PDE4D: variants seen among roughly 807,000 people sequenced by gnomAD.
PDE4D encodes phosphodiesterase 4D, also known as 3',5'-cyclic-AMP phosphodiesterase 4D.
PDE4D carries 24 observed loss-of-function variants against 87.4 expected under a neutral mutation model. The ratio of observed to expected loss-of-function variants is 0.27; its 90% CI spans 0.20 to 0.39. The LOEUF is 0.39. Ranked by LOEUF, PDE4D falls within the 10% of genes least tolerant of loss-of-function variation. The probability of loss-of-function intolerance (pLI) is 1.00; values close to 1 mark genes in which losing one functional copy is unlikely to be tolerated. For missense variants in PDE4D, 714 were observed against 1,041.0 expected (o/e 0.69, Z 4.32); for synonymous variants, 384 against 383.2 (o/e 1.00, Z -0.02).
rs75581413 is a variant in PDE4D, at chr5:59,530,996, G to A, written c.456-315028C>T. Among the ~76,000 whole-genome samples the A allele has an allele frequency of 5.1e-3, 769 of 152,190 alleles. 6 individuals carry two copies. The highest frequency in any genetic ancestry group is 0.017 in the African/African-American group (712 of 41,508). ...GTAAGAATTCATCTTCTTTGAATAC[G>A]GTGTATTGAATTTCTTAATGAACTC... On this transcript the variant is annotated intron_variant, in intron 1 of 14. Transcript: ENST00000340635.
intron 1 of PDE4D, among the ~76,000 whole-genome samples, chr5:59,349,184 T>C (rs1780103141): frequency 6.6e-6 from 1 of 152,218 alleles, no homozygotes. Flanking sequence ...CAACTCTGTG[T>C]GCTTATATAA....
chr5:59,380,517 T>A (rs1208365446), intron 1 of PDE4D, among the ~76,000 whole-genome samples: 2 of 152,064 alleles, frequency 1.3e-5, no homozygotes, highest in East Asian at 3.9e-4. Context: ...GTCAGTGAGG[T>A]CACAAGAGCT....
intron 1 of PDE4D, among the ~76,000 whole-genome samples, chr5:59,591,157 G>A (rs1331083313): frequency 6.6e-6 from 1 of 151,864 alleles, no homozygotes; most frequent in African/African-American, 2.4e-5. Context: ...AAAAAGTCTG[G>A]CTCTTTAAAA....
At position 59,290,434 on chromosome 5, in the gene PDE4D, T is replaced by C. The variant is rs374476857; in HGVS notation, c.456-74466A>G. The stretch of plus-strand genomic sequence containing the variant: ...TATACAAAAATCAAGTCAAAATGGA[T>C]GAAAGACTTAAGTCTAAGACTCTGA... On this transcript the variant is annotated intron_variant, in intron 1 of 14. Transcript: ENST00000340635. 2.9e-4 allele frequency among the ~76,000 whole-genome samples: 44 copies of C among 152,084 alleles called. 2 individuals are homozygous for C. The highest frequency in any genetic ancestry group is 1.0e-3 in the African/African-American group (42 of 41,528).
chr5:60,454,028 C>G (rs1054446399), intron 1 of PDE4D, among the ~76,000 whole-genome samples: 4 of 152,088 alleles, frequency 2.6e-5, no homozygotes, highest in Non-Finnish European at 4.4e-5. Flanking sequence ...GGCTAGGAAG[C>G]CTGGTCATTG....
At chr5:59,999,125 A>T (rs1360445996) in intron 2 of PDE4D, among the ~76,000 whole-genome samples, 4 of 152,174 alleles carry the variant, frequency 2.6e-5, no homozygotes, top group Non-Finnish European at 5.9e-5. Flanking sequence ...ATTGAAACAG[A>T]TGAGAAAAGG....
chr5:59,189,251 T>G (rs1274855393), intron 3 of PDE4D, among the ~76,000 whole-genome samples: 3 of 103,788 alleles, frequency 2.9e-5, no homozygotes, highest in African/African-American at 8.6e-5. Flanking sequence ...TTTGTTTTTT[T>G]TGTTTTTTTT....
At chr5:60,249,539 T>G (rs933865829) in intron 1 of PDE4D, among the ~76,000 whole-genome samples, 6 of 151,994 alleles carry the variant, frequency 3.9e-5, no homozygotes, top group African/African-American at 1.4e-4. Flanking sequence ...AACAGGCTGC[T>G]AAGGAGAGGA....
At chr5:59,649,302 C>T (rs1421323252) in intron 1 of PDE4D, among the ~76,000 whole-genome samples, 1 of 152,132 alleles carries the variant, frequency 6.6e-6, no homozygotes, top group African/African-American at 2.4e-5. Flanking sequence ...CTCTTCAAGG[C>T]AACAGCATGA....
chr5:60,238,205 A>G (rs1746643443), intron 1 of PDE4D, among the ~76,000 whole-genome samples: 1 of 152,016 alleles, frequency 6.6e-6, no homozygotes, highest in Admixed American at 6.6e-5. Context: ...TAAATTTATT[A>G]ACATTACCCA....
intron 2 of PDE4D, among the ~76,000 whole-genome samples, chr5:60,120,310 A>G (rs1449601456): frequency 1.3e-5 from 2 of 152,196 alleles, no homozygotes; most frequent in Non-Finnish European, 2.9e-5. Context: ...AACTCCAGAT[A>G]GGAGTTAGTT....
chr5:60,292,741 T>C (rs1168678717), intron 1 of PDE4D, among the ~76,000 whole-genome samples: 1 of 152,186 alleles, frequency 6.6e-6, no homozygotes, highest in Non-Finnish European at 1.5e-5. Context: ...CCTCTCCCCC[T>C]TCCCCAACAA....
At chr5:59,508,374 C>T (rs1809654214) in intron 1 of PDE4D, among the ~76,000 whole-genome samples, 2 of 152,072 alleles carry the variant, frequency 1.3e-5, no homozygotes, top group South Asian at 4.1e-4. Flanking sequence ...TGTAATATGG[C>T]ATTGGATATT....
At chr5:59,148,754 GGTGTGTGTGTGTGT>G (rs3061422) in intron 5 of PDE4D, among the ~76,000 whole-genome samples, 7 of 145,480 alleles carry the variant, frequency 4.8e-5, no homozygotes, top group Non-Finnish European at 7.6e-5. Flanking sequence ...AATATATAGC[GGTGTGTGTGTGTGT>G]GTGTGTGTGT....
At chr5:59,357,717 A>G (rs1205058749) in intron 1 of PDE4D, among the ~76,000 whole-genome samples, 1 of 152,244 alleles carries the variant, frequency 6.6e-6, no homozygotes, top group East Asian at 1.9e-4. Flanking sequence ...AGAATCCTTC[A>G]TATATTTTAT....
At chr5:60,193,564 G>A (rs571846765) in intron 1 of PDE4D, among the ~76,000 whole-genome samples, 2 of 150,730 alleles carry the variant, frequency 1.3e-5, no homozygotes, top group South Asian at 2.1e-4. Flanking sequence ...CAGCTACTCG[G>A]GAGGCTGAGG....
At chr5:59,980,938 T>C (rs1025502268) in intron 3 of PDE4D, among the ~76,000 whole-genome samples, 2 of 152,166 alleles carry the variant, frequency 1.3e-5, no homozygotes, top group Non-Finnish European at 2.9e-5. Context: ...ACTCTTAGAA[T>C]CTAATTTTAA....
chr5:59,535,330 A>T (rs959507548), intron 1 of PDE4D, among the ~76,000 whole-genome samples: 10 of 152,198 alleles, frequency 6.6e-5, no homozygotes, highest in Admixed American at 6.5e-4. Context: ...CCCAGGCATC[A>T]GATTTTTTAA....
At chr5:59,573,997 CA>C (rs11437091) in intron 1 of PDE4D, among the ~76,000 whole-genome samples, 1 of 87,018 alleles carries the variant, frequency 1.1e-5, no homozygotes. Flanking sequence ...GACTCTGTCT[CA>C]AAAAAAAATA....
Sources: gnomAD v4.1 joint callset for allele counts (sites outside exome capture counted in the v4.1 genomes callset) on GRCh38, gnomAD v4.1.1 for gene constraint, MANE v1.5 for transcripts, NCBI Gene and HGNC (gene_info 2026-07-23, HGNC 2026-07-21) for gene names.